Variants in PRLR observed in about 807,000 individuals in gnomAD.
The protein encoded by PRLR is hPRL receptor.
A neutral mutation model predicts 40.2 loss-of-function variants in PRLR; 13 were observed. That is an observed-to-expected ratio of 0.32 (90% CI 0.21 to 0.51). The LOEUF (loss-of-function observed/expected upper bound fraction) is 0.51, where lower values mean the gene tolerates loss of function less well. PRLR is among the 20% of genes least tolerant of loss of function. PRLR has a pLI of 0.97. For synonymous variants in PRLR, 269 were observed against 278.7 expected, an observed-to-expected ratio of 0.97 and a Z score of 0.35; for missense variants, 656 against 747.3, an observed-to-expected ratio of 0.88 and a Z score of 1.42.
intron 1 of PRLR, among the ~76,000 whole-genome samples, chr5:35,163,761 A>G (rs775423721): frequency 1.3e-5 from 2 of 152,216 alleles, no homozygotes; most frequent in African/African-American, 2.4e-5. Context: ...AAGTGCCTAC[A>G]TTTTCTAACT....
intron 2 of PRLR, among the ~76,000 whole-genome samples, chr5:35,103,720 T>A (rs1283034383): frequency 6.6e-6 from 1 of 152,180 alleles, no homozygotes; most frequent in Non-Finnish European, 1.5e-5. Flanking sequence ...GCCTCTACAC[T>A]CAGTTTGGGA....
intron 1 of PRLR, among the ~76,000 whole-genome samples, chr5:35,202,411 T>G (rs1339893700): frequency 6.6e-6 from 1 of 152,186 alleles, no homozygotes; most frequent in Non-Finnish European, 1.5e-5. Flanking sequence ...TCCTTGTGAT[T>G]TGGTCATCAA....
In PRLR at chr5:35,145,173, C is replaced by T. The variant is rs76903661; in HGVS notation, c.-105-27051G>A. Among the ~76,000 whole-genome samples, 62 of 152,254 alleles carry T rather than the reference C, an allele frequency of 4.1e-4. 1 individual carries two copies. The East Asian group carries it at 0.012, about 29-fold the overall frequency. ...AATTGATTTTCACAAACGTTTTATG[C>T]TGGAAAAGGGCACAGGAGCCTTCTG... is the stretch of plus-strand genomic sequence containing the variant. On this transcript the variant is annotated intron_variant, in intron 1 of 9. Coordinates refer to ENST00000618457, the MANE Select transcript of PRLR (RefSeq NM_000949.7).
chr5:35,133,719 G>A (rs73076807), intron 1 of PRLR, among the ~76,000 whole-genome samples: 9 of 152,204 alleles, frequency 5.9e-5, no homozygotes, highest in African/African-American at 2.2e-4. Context: ...CTTCCTCACA[G>A]CATGTTTTCT....
At chr5:35,179,425 G>T (rs561912484) in intron 1 of PRLR, among the ~76,000 whole-genome samples, 1 of 152,080 alleles carries the variant, frequency 6.6e-6, no homozygotes, top group East Asian at 1.9e-4. Context: ...TACAGGCCAC[G>T]CGAATAAGGC....
chr5:35,071,957 G>A (rs538445838), intron 6 of PRLR, among the ~76,000 whole-genome samples: 49 of 150,654 alleles, frequency 3.3e-4, no homozygotes, highest in African/African-American at 8.8e-4. Context: ...GTGCAATGGC[G>A]CGATTTCAGC....
chr5:35,163,857 T>G (rs1294107781), intron 1 of PRLR, among the ~76,000 whole-genome samples: 2 of 152,252 alleles, frequency 1.3e-5, no homozygotes, highest in Non-Finnish European at 2.9e-5. Context: ...CACTGATTGC[T>G]GACTATGTAG....
downstream of PRLR, among the ~76,000 whole-genome samples, chr5:35,051,071 TTTTG>T (rs1768481578): frequency 6.6e-6 from 1 of 152,366 alleles, no homozygotes; most frequent in Non-Finnish European, 1.5e-5. Flanking sequence ...GTCAAAGTCC[TTTTG>T]TTTATTTATT....
intron 1 of PRLR, among the ~76,000 whole-genome samples, chr5:35,202,514 A>G (rs1775909511): frequency 6.6e-6 from 1 of 152,010 alleles, no homozygotes; most frequent in African/African-American, 2.4e-5. Flanking sequence ...CTCTCTGCCT[A>G]CTTGTTCATT....
intron 1 of PRLR, among the ~76,000 whole-genome samples, chr5:35,196,111 A>G: frequency 8.1e-6 from 1 of 123,644 alleles, no homozygotes; most frequent in South Asian, 2.6e-4. Context: ...AAATAAAATA[A>G]AGAGAAATAT....
chr5:35,144,123 C>CAAAA (rs34642253), intron 1 of PRLR, among the ~76,000 whole-genome samples: 2,824 of 108,832 alleles, frequency 0.026, 36 homozygotes, highest in Middle Eastern at 0.078. Context: ...AACAAGCTTC[C>CAAAA]AAAAAAAAAA....
intron 1 of PRLR, among the ~76,000 whole-genome samples, chr5:35,127,224 C>T (rs1773500638): frequency 1.3e-5 from 2 of 152,200 alleles, no homozygotes; most frequent in Non-Finnish European, 2.9e-5. Flanking sequence ...TCACACTCAG[C>T]TGTGAACTTG....
intron 1 of PRLR, among the ~76,000 whole-genome samples, chr5:35,140,589 G>A (rs1279664090): frequency 6.6e-6 from 1 of 152,222 alleles, no homozygotes; most frequent in Non-Finnish European, 1.5e-5. Context: ...TTTCTTGAGA[G>A]CTGTAAAGAA....
intron 3 of PRLR, among the ~76,000 whole-genome samples, chr5:35,088,370 A>T (rs1357612012): frequency 6.6e-6 from 1 of 152,208 alleles, no homozygotes; most frequent in Non-Finnish European, 1.5e-5. Flanking sequence ...ATGAGTGGGG[A>T]GAAGTGTGTG....
At chr5:35,140,837 CT>C (rs1774001223) in intron 1 of PRLR, among the ~76,000 whole-genome samples, 2 of 152,192 alleles carry the variant, frequency 1.3e-5, no homozygotes, top group South Asian at 4.1e-4. Context: ...TGCCAGTTGC[CT>C]GTCTAACATC....
At chr5:35,162,400 C>T (rs548084868) in intron 1 of PRLR, among the ~76,000 whole-genome samples, 1 of 152,162 alleles carries the variant, frequency 6.6e-6, no homozygotes, top group Non-Finnish European at 1.5e-5. Flanking sequence ...GCTTCTTGGC[C>T]TCTAGGGTGT....
chr5:35,064,637 C>T lies in PRLR; in HGVS notation c.*452G>A, dbSNP rs73091139. 0.096 allele frequency: 15,028 copies of T among 156,190 alleles called. 1,247 individuals carry two copies. The highest frequency in any genetic ancestry group is 0.22 in the African/African-American group (9,220 of 41,508). The allele number at this position is 156,190 out of a possible 1,614,324, so 9.7% of individuals were successfully genotyped here. A position where few individuals can be genotyped will look rare whatever the true frequency, so the allele number is the denominator to read the frequency against. On this transcript the variant is annotated 3_prime_UTR_variant, in exon 10 of 10. Coordinates refer to ENST00000618457, the MANE Select transcript of PRLR (RefSeq NM_000949.7). ...ATTTGGGTAATCCTAATAAAATGGA[C>T]GAGGAGTGTAAAGGTTATGCAGTTG...
At chr5:35,215,326 C>G (rs1776259831) in intron 1 of PRLR, among the ~76,000 whole-genome samples, 1 of 152,142 alleles carries the variant, frequency 6.6e-6, no homozygotes, top group African/African-American at 2.4e-5. Flanking sequence ...CTTTGAGGCT[C>G]ATAAATTTCT....
intron 2 of PRLR, among the ~76,000 whole-genome samples, chr5:35,108,512 CA>C (rs1561305982): frequency 6.6e-6 from 1 of 152,218 alleles, no homozygotes; most frequent in African/African-American, 2.4e-5. Context: ...GCAACTTCAG[CA>C]AAGTCTCAGG....
Sources: gnomAD v4.1 joint callset for allele counts (sites outside exome capture counted in the v4.1 genomes callset) on GRCh38, gnomAD v4.1.1 for gene constraint, MANE v1.5 for transcripts, NCBI Gene and HGNC (gene_info 2026-07-23, HGNC 2026-07-21) for gene names.